Variants in UBXN2A observed in about 807,000 individuals in gnomAD.
The protein encoded by UBXN2A is UBX domain protein 2A.
In UBXN2A, 28 loss-of-function variants were observed where a neutral mutation model predicts 28.4. The observed-to-expected ratio is 0.99, with a 90% CI of 0.73 to 1.35. UBXN2A has a LOEUF of 1.35. Ranked by LOEUF, UBXN2A falls within the 40% of genes most tolerant of loss-of-function variation. The probability of loss-of-function intolerance (pLI) is 0.00; values close to 1 mark genes in which losing one functional copy is unlikely to be tolerated. For synonymous variants in UBXN2A, 97 were observed against 103.6 expected (o/e 0.94, Z 0.39); for missense variants, 253 against 297.9 (o/e 0.85, Z 1.11).
intron 3 of UBXN2A, among the ~76,000 whole-genome samples, chr2:23,975,856 C>G (rs1438498122): frequency 6.6e-6 from 1 of 152,096 alleles, no homozygotes; most frequent in Non-Finnish European, 1.5e-5. Context: ...GAACTCCTGA[C>G]CTCAGGTGAT....
At chr2:23,988,266 A>G (rs537276580) in intron 6 of UBXN2A, among the ~76,000 whole-genome samples, 16 of 152,328 alleles carry the variant, frequency 1.1e-4, no homozygotes, top group African/African-American at 3.8e-4. Context: ...CAATACAGCC[A>G]TTTAAATCAG....
chr2:24,004,885 T>C lies in UBXN2A; in HGVS notation c.*5018T>C, dbSNP rs1708771180. The C allele has an allele frequency of 6.6e-6, 1 of 152,230 alleles. No individual in the cohort carries two copies. The highest frequency in any genetic ancestry group is 6.5e-5 in the Admixed American group (1 of 15,280). 9.4% of individuals were successfully genotyped at this position (152,230 alleles called of 1,614,324 possible). A position where few individuals can be genotyped will look rare whatever the true frequency, so the allele number is the denominator to read the frequency against. On this transcript the variant is annotated 3_prime_UTR_variant, in exon 7 of 7. Transcript: ENST00000309033. ...TTGAAGAACTGTTAATGAAATACTG[T>C]TCATTAAAAGGATCTGTGAAATCAT...
At chr2:23,927,639 G>C (rs1159877673) in intron 1 of UBXN2A, 1 of 127,192 alleles carries the variant, frequency 7.9e-6, no homozygotes, top group Non-Finnish European at 1.7e-5. Context: ...GAGAAGGGGG[G>C]GGGGAAACAC....
chr2:23,981,319 A>AAT (rs1279678923), intron 4 of UBXN2A, among the ~76,000 whole-genome samples: 1 of 150,082 alleles, frequency 6.7e-6, no homozygotes, highest in Non-Finnish European at 1.5e-5. Flanking sequence ...AAAAAAAAAA[A>AAT]AAACCTAAAA....
chr2:24,003,473 T>G lies in UBXN2A; in HGVS notation c.*3606T>G, dbSNP rs1254371240. The G allele has an allele frequency of 6.6e-6, 1 of 152,148 alleles. No individual in the cohort carries two copies. The highest frequency in any genetic ancestry group is 1.9e-4 in the East Asian group (1 of 5,186). The allele number at this position is 152,148 out of a possible 1,614,324, so 9.4% of individuals were successfully genotyped here. A position where few individuals can be genotyped will look rare whatever the true frequency, so the allele number is the denominator to read the frequency against. On this transcript the variant is annotated 3_prime_UTR_variant, in exon 7 of 7. Coordinates refer to ENST00000309033, the MANE Select transcript of UBXN2A (RefSeq NM_181713.4). ...ACAGGGAAATATCTATGTAACTAGA[T>G]GACCTGACATAAAATCTATCTTCTG...
At chr2:23,942,995 G>A (rs1338638457) in intron 1 of UBXN2A, among the ~76,000 whole-genome samples, 7 of 149,212 alleles carry the variant, frequency 4.7e-5, no homozygotes, top group Non-Finnish European at 4.4e-5. Context: ...ACGGAGTCTC[G>A]CACAGGCAGG....
In UBXN2A at chr2:23,949,599, G is replaced by A. The variant is rs147727924; in HGVS notation, c.-14-8702G>A. 3.4e-3 allele frequency among the ~76,000 whole-genome samples: 521 copies of A among 151,688 alleles called. 3 individuals carry two copies. Among genetic ancestry groups the A allele is most frequent in the African/African-American group, 0.012 (506 of 41,378 alleles). ...TAAAAATAAGTTTATTTATAGCCGG[G>A]CGTGGTTGCCCATGCCTATAATTCT... On this transcript the variant is annotated intron_variant, in intron 1 of 6. Coordinates refer to ENST00000309033, the MANE Select transcript of UBXN2A (RefSeq NM_181713.4).
chr2:23,998,003 A>G (rs930555025), intron 6 of UBXN2A, among the ~76,000 whole-genome samples: 2 of 151,126 alleles, frequency 1.3e-5, no homozygotes, highest in African/African-American at 4.9e-5. Flanking sequence ...GTAAAGACAG[A>G]GTTTCACTAT....
At chr2:23,996,908 G>T (rs2150922610) in intron 6 of UBXN2A, 1 of 152,088 alleles carries the variant, frequency 6.6e-6, no homozygotes, top group South Asian at 2.1e-4. Flanking sequence ...GACCTGGGCT[G>T]GTTCCCCCCA....
At chr2:23,959,579 A>C (rs1209231236) in intron 2 of UBXN2A, among the ~76,000 whole-genome samples, 1 of 152,200 alleles carries the variant, frequency 6.6e-6, no homozygotes, top group African/African-American at 2.4e-5. Context: ...ATTTACTAGA[A>C]GAATTTGTAA....
chr2:23,938,156 A>T (rs1705585360), upstream of UBXN2A, among the ~76,000 whole-genome samples: 1 of 152,116 alleles, frequency 6.6e-6, no homozygotes, highest in African/African-American at 2.4e-5. Flanking sequence ...GAGTCATCGC[A>T]CCAGTATTGT....
Position 23,966,491 on chromosome 2 carries a change from T to C in UBXN2A, c.42-4785T>C, listed in dbSNP as rs183601545. Among the ~76,000 whole-genome samples the C allele has an allele frequency of 4.6e-3, 681 of 149,540 alleles. 1 individual carries two copies. Among genetic ancestry groups the C allele is most frequent in the Middle Eastern group, 0.018 (5 of 284 alleles). On this transcript the variant is annotated intron_variant, in intron 2 of 6. Coordinates refer to ENST00000309033, the MANE Select transcript of UBXN2A (RefSeq NM_181713.4). ...TTTTTGAGACAGAGTCTCGCTCTGTTGCCCAGGCTGGAGTGCGGTGGCGTG... is the reference window on the plus strand; with the variant it reads ...TTTTTGAGACAGAGTCTCGCTCTGTCGCCCAGGCTGGAGTGCGGTGGCGTG...
At position 23,999,787 on chromosome 2, in the gene UBXN2A, G is replaced by GAAGAAGCAGATTTAC; in HGVS notation, c.702_716dup (p.Glu235_Gln239dup). 6.2e-7 allele frequency: 1 copy of GAAGAAGCAGATTTAC among 1,614,150 alleles called. No homozygotes were observed. The highest frequency in any genetic ancestry group is 8.5e-7 in the Non-Finnish European group (1 of 1,180,026). On this transcript the variant is annotated inframe_insertion, in exon 7 of 7. Coordinates refer to ENST00000309033, the MANE Select transcript of UBXN2A (RefSeq NM_181713.4). Reference sequence around the variant, plus strand: ...GTTGCTAGATGAGACACTCACACTGGAAGAAGCAGATTTACAGAATGCTGT... The same window carrying GAAGAAGCAGATTTAC: ...GTTGCTAGATGAGACACTCACACTGGAAGAAGCAGATTTACAAGAAGCAGATTTACAGAATGCTGT...
Position 23,971,405 on chromosome 2 carries a change from G to C in UBXN2A, c.171G>C (p.Gln57His), listed in dbSNP as rs2150868104. Reference protein sequence around the residue: ...VSSKCVSPAEQKKQVDVNIKL... With the variant: ...VSSKCVSPAEHKKQVDVNIKL... ...CCAAATGTGTGTCTCCCGCTGAACAGAAGAAACAGGTAAATAAATGTCTAT... is the reference window on the plus strand; with the variant it reads ...CCAAATGTGTGTCTCCCGCTGAACACAAGAAACAGGTAAATAAATGTCTAT... The change falls in exon 3 of 7, where the codon CAG becomes CAC. Residue 57 changes from glutamine (Q) to histidine (H), a missense_variant. Physicochemically the swap from Gln to His is conservative, Grantham distance 24. Transcript: ENST00000309033. The C allele has an allele frequency of 6.5e-7, 1 of 1,539,754 alleles. No homozygotes were observed. The highest frequency in any genetic ancestry group is 8.8e-7 in the Non-Finnish European group (1 of 1,132,710).
rs1018555346 is a variant in UBXN2A at position 24,000,374 on chromosome 2, T to G, written c.*507T>G. On this transcript the variant is annotated 3_prime_UTR_variant, in exon 7 of 7. Coordinates refer to ENST00000309033, the MANE Select transcript of UBXN2A (RefSeq NM_181713.4). ...CTGGCAAACATGGTGAAACCCCATC[T>G]CTAGTAAAAATACAAAAATTAGCTG... is the stretch of plus-strand genomic sequence containing the variant. The G allele has an allele frequency of 9.2e-5, 14 of 152,270 alleles. No individual in the cohort carries two copies. The highest frequency in any genetic ancestry group is 3.3e-4 in the Admixed American group (5 of 15,274). 9.4% of individuals were successfully genotyped at this position (152,270 alleles called of 1,614,324 possible). A position where few individuals can be genotyped will look rare whatever the true frequency, so the allele number is the denominator to read the frequency against.
At chr2:23,986,446 A>G (rs1159250083) in intron 6 of UBXN2A, among the ~76,000 whole-genome samples, 4 of 152,102 alleles carry the variant, frequency 2.6e-5, no homozygotes, top group Non-Finnish European at 5.9e-5. Context: ...TAATGTTTTA[A>G]ATTAGTCATT....
chr2:23,991,636 A>AT (rs575795464), intron 6 of UBXN2A, among the ~76,000 whole-genome samples: 43 of 151,056 alleles, frequency 2.8e-4, no homozygotes, highest in Middle Eastern at 6.8e-3. Flanking sequence ...CACCTGGCTA[A>AT]TTTTTTTTGT....
chr2:23,947,485 T>C (rs551267035), intron 1 of UBXN2A, among the ~76,000 whole-genome samples: 1 of 152,322 alleles, frequency 6.6e-6, no homozygotes, highest in Non-Finnish European at 1.5e-5. Flanking sequence ...TCAGATGGCT[T>C]TTTTTATTCT....
chr2:23,945,204 A>G (rs2150804974), intron 1 of UBXN2A, among the ~76,000 whole-genome samples: 1 of 152,292 alleles, frequency 6.6e-6, no homozygotes, highest in Non-Finnish European at 1.5e-5. Context: ...TAACCTTGCC[A>G]GTCTCTGCCT....
Sources: gnomAD v4.1 joint callset for allele counts (sites outside exome capture counted in the v4.1 genomes callset) on GRCh38, gnomAD v4.1.1 for gene constraint, MANE v1.5 for transcripts, NCBI Gene and HGNC (gene_info 2026-07-23, HGNC 2026-07-21) for gene names.